The following MROH9 variants were observed in gnomAD, a reference collection of about 807,000 sequenced individuals.
MROH9 encodes the protein maestro heat like repeat family member 9.
In MROH9, 92 loss-of-function variants were observed where a neutral mutation model predicts 98.2. That is an observed-to-expected ratio of 0.94 (90% CI 0.79 to 1.11). The LOEUF is 1.11. MROH9 is among the 50% of genes most tolerant of loss of function. The pLI, the probability that MROH9 is intolerant of heterozygous loss-of-function variation, is 0.00. For synonymous variants in MROH9, 397 were observed against 368.9 expected (o/e 1.08, Z -0.87); for missense variants, 1,057 against 1,014.8 (o/e 1.04, Z -0.57).
At chr1:171,044,521 A>G (rs978055658) in intron 20 of MROH9, among the ~76,000 whole-genome samples, 14 of 152,152 alleles carry the variant, frequency 9.2e-5, no homozygotes, top group Non-Finnish European at 1.8e-4. Flanking sequence ...TTTTCAGAAC[A>G]TTTTGATTAA....
At chr1:170,977,095 T>C (rs1303322444) in intron 8 of MROH9, among the ~76,000 whole-genome samples, 1 of 152,212 alleles carries the variant, frequency 6.6e-6, no homozygotes, top group African/African-American at 2.4e-5. Context: ...TCAGGCCAGT[T>C]AGGTTTTTTT....
intron 15 of MROH9, among the ~76,000 whole-genome samples, chr1:171,000,552 C>T (rs1391477215): frequency 1.3e-5 from 2 of 152,082 alleles, no homozygotes; most frequent in Non-Finnish European, 2.9e-5. Flanking sequence ...TATTGACTTG[C>T]ATATATTGAA....
At chr1:170,977,637 G>A (rs28817011) in intron 8 of MROH9, among the ~76,000 whole-genome samples, 48,120 of 151,970 alleles carry the variant, frequency 0.32, 7,733 homozygotes, top group Middle Eastern at 0.46. Context: ...TCAGTGCCCC[G>A]AAAGCATGGG....
Position 170,990,009 on chromosome 1 carries a change from G to A in MROH9, c.1028+6G>A, listed in dbSNP as rs765691368. On this transcript the variant is annotated splice_donor_region_variant and intron_variant, in intron 11 of 21. Transcript: ENST00000367759. ...TACCCAGTTCCAGCAGACGAGTAAGGCCCCCCAACCCTCTGTCCCTTCCAC... is the reference window on the plus strand; with the variant it reads ...TACCCAGTTCCAGCAGACGAGTAAGACCCCCCAACCCTCTGTCCCTTCCAC... 56 of 1,607,834 alleles carry A rather than the reference G, an allele frequency of 3.5e-5. No homozygotes were observed. The Admixed American group carries it at 9.4e-4, about 27-fold the overall frequency.
intron 20 of MROH9, among the ~76,000 whole-genome samples, chr1:171,056,574 GC>G (rs1553223886): frequency 2.0e-5 from 3 of 150,744 alleles, no homozygotes; most frequent in Non-Finnish European, 4.4e-5. Flanking sequence ...AGTTCCAGGA[GC>G]CCAGATGAGT....
At chr1:170,962,521 C>T (rs1650054053) in intron 6 of MROH9, among the ~76,000 whole-genome samples, 1 of 152,128 alleles carries the variant, frequency 6.6e-6, no homozygotes, top group Admixed American at 6.6e-5. Context: ...TTGTGGTCTT[C>T]AACTTTGCAT....
intron 10 of MROH9, 46 bp downstream of exon 10, chr1:170,986,756 A>C: frequency 1.3e-6 from 2 of 1,581,468 alleles, no homozygotes; most frequent in Non-Finnish European, 1.7e-6. Context: ...TTTACTCTCT[A>C]ATGTGCATTT....
At chr1:171,042,926 A>G (rs548346563) in intron 20 of MROH9, among the ~76,000 whole-genome samples, 2 of 152,140 alleles carry the variant, frequency 1.3e-5, no homozygotes, top group South Asian at 2.1e-4. Context: ...ATTTTCTCCC[A>G]TTGTGTGGGT....
chr1:170,938,347 A>G (rs983507592), intron 1 of MROH9, among the ~76,000 whole-genome samples: 2 of 152,138 alleles, frequency 1.3e-5, no homozygotes, highest in African/African-American at 4.8e-5. Flanking sequence ...CTCTATTTTC[A>G]CCCCTTGATC....
At chr1:170,989,719 C>T in intron 10 of MROH9, 136 bp from the exon 11 acceptor site, 1 of 659,910 alleles carries the variant, frequency 1.5e-6, no homozygotes, top group Non-Finnish European at 2.6e-6. Context: ...ATGCTTTCTA[C>T]TAGTGCTTAT....
rs1652637738 is a variant in MROH9, at chr1:171,024,443, G to A, written c.1957G>A (p.Val653Ile). The change falls in exon 18 of 22, where the codon GTT becomes ATT. Residue 653 changes from valine (V) to isoleucine (I), a missense_variant. Transcript: ENST00000367759. ...GGCAATTCGACACTTTGGTCAATTA[G>A]TTAGGGATATGAGACAGTACACATG... ...SMAIRHFGQL[V>I]RDMRQYTWMV... 4 of 1,551,378 alleles carry A rather than the reference G, an allele frequency of 2.6e-6. No individual in the cohort carries two copies. The highest frequency in any genetic ancestry group is 1.7e-4 in the Middle Eastern group (1 of 5,990).
At chr1:171,047,992 T>C (rs1443391369) in intron 20 of MROH9, among the ~76,000 whole-genome samples, 4 of 152,202 alleles carry the variant, frequency 2.6e-5, no homozygotes, top group African/African-American at 4.8e-5. Flanking sequence ...CCCTTACTTT[T>C]TGCCAAACAA....
chr1:170,983,312 A>C (rs1651003976), intron 8 of MROH9, 110 bp from the exon 9 acceptor site: 2 of 690,668 alleles, frequency 2.9e-6, no homozygotes, highest in Non-Finnish European at 2.4e-6. Flanking sequence ...AATATTCGGA[A>C]AACTTCAGAT....
chr1:170,952,149 G>A (rs1649576001), intron 3 of MROH9, among the ~76,000 whole-genome samples: 1 of 151,958 alleles, frequency 6.6e-6, no homozygotes, highest in African/African-American at 2.4e-5. Context: ...TACACTGTTG[G>A]TGGGACTGTA....
chr1:171,037,669 A>G (rs1001316996), intron 20 of MROH9, among the ~76,000 whole-genome samples: 5 of 152,152 alleles, frequency 3.3e-5, no homozygotes, highest in African/African-American at 9.6e-5. Flanking sequence ...ACTGAAAAGA[A>G]TAATGACAGA....
In MROH9 at chr1:170,941,822, G is replaced by A. The variant is rs767420777; in HGVS notation, c.-37-3698G>A. ...GGTGTGTCTTCTGGACACTCCCGGC[G>A]TGAGGGACTAGGTCTTAAATGACAA... On this transcript the variant is annotated intron_variant, in intron 1 of 21. Coordinates refer to ENST00000367759, the MANE Select transcript of MROH9 (RefSeq NM_001163629.2). Among the ~76,000 whole-genome samples, 17 of 152,280 alleles carry A rather than the reference G, an allele frequency of 1.1e-4. No homozygotes were observed. In the East Asian group the frequency reaches 1.4e-3, roughly 12 times the overall value.
intron 1 of MROH9, among the ~76,000 whole-genome samples, chr1:170,942,509 CT>C (rs1649162944): frequency 1.3e-5 from 2 of 151,958 alleles, no homozygotes; most frequent in South Asian, 4.1e-4. Context: ...TTTTAAGAAA[CT>C]TTTGCTAAAG....
At chr1:171,009,070 C>A (rs1437507704) in intron 15 of MROH9, among the ~76,000 whole-genome samples, 1 of 150,492 alleles carries the variant, frequency 6.6e-6, no homozygotes, top group South Asian at 2.1e-4. Context: ...ATATACTTAT[C>A]TTTTGGAGAG....
At chr1:171,026,583 T>G (rs559855555) in intron 20 of MROH9, among the ~76,000 whole-genome samples, 1 of 152,286 alleles carries the variant, frequency 6.6e-6, no homozygotes, top group East Asian at 1.9e-4. Context: ...AATAGTAACT[T>G]TATTTCAGAC....
Sources: gnomAD v4.1 joint callset for allele counts (sites outside exome capture counted in the v4.1 genomes callset) on GRCh38, gnomAD v4.1.1 for gene constraint, MANE v1.5 for transcripts, NCBI Gene and HGNC (gene_info 2026-07-23, HGNC 2026-07-21) for gene names.